Variants in FGGY observed in about 807,000 individuals in gnomAD.
FGGY encodes the protein FGGY carbohydrate kinase domain-containing protein.
FGGY carries 72 observed loss-of-function variants against 71.3 expected under a neutral mutation model. That is an observed-to-expected ratio of 1.01 (90% CI 0.84 to 1.23). FGGY has a LOEUF of 1.23. Among genes scored for constraint, FGGY ranks in the 50% most tolerant of loss-of-function variants. The pLI, the probability that FGGY is intolerant of heterozygous loss-of-function variation, is 0.00. For synonymous variants in FGGY, 251 were observed against 250.3 expected (o/e 1.00, Z -0.02); for missense variants, 668 against 682.3 (o/e 0.98, Z 0.23).
chr1:59,543,466 C>T (rs1420163635), intron 7 of FGGY, among the ~76,000 whole-genome samples: 1 of 152,216 alleles, frequency 6.6e-6, no homozygotes, highest in Non-Finnish European at 1.5e-5. Context: ...TGGGAGAGCC[C>T]TCTAACCCTC....
chr1:59,585,931 C>T (rs972429939), intron 8 of FGGY, among the ~76,000 whole-genome samples: 14 of 152,168 alleles, frequency 9.2e-5, no homozygotes, highest in Non-Finnish European at 1.8e-4. Context: ...CATCACTGGC[C>T]ATCAGAAAAA....
At chr1:59,309,347 T>C (rs1025736706) in intron 1 of FGGY, among the ~76,000 whole-genome samples, 4 of 152,242 alleles carry the variant, frequency 2.6e-5, no homozygotes, top group African/African-American at 9.6e-5. Flanking sequence ...TTGTATTCTT[T>C]GCATTACAGG....
intron 5 of FGGY, among the ~76,000 whole-genome samples, chr1:59,396,040 C>A (rs2061285095): frequency 6.6e-6 from 1 of 152,170 alleles, no homozygotes; most frequent in East Asian, 1.9e-4. Flanking sequence ...AGCAGCGTCA[C>A]TTGGAAATAC....
intron 5 of FGGY, among the ~76,000 whole-genome samples, chr1:59,384,620 G>T (rs1269645204): frequency 6.6e-6 from 1 of 152,098 alleles, no homozygotes; most frequent in East Asian, 1.9e-4. Flanking sequence ...ATTAAGCATA[G>T]AGGAAAGAGG....
chr1:59,501,463 C>T (rs1264027755), intron 6 of FGGY, among the ~76,000 whole-genome samples: 1 of 151,858 alleles, frequency 6.6e-6, no homozygotes, highest in East Asian at 1.9e-4. Flanking sequence ...TGCTTTAAAC[C>T]TTGTAATATT....
chr1:59,687,875 T>G (rs957461378), intron 14 of FGGY, among the ~76,000 whole-genome samples: 2 of 152,184 alleles, frequency 1.3e-5, no homozygotes, highest in African/African-American at 4.8e-5. Flanking sequence ...GGACTCTGAC[T>G]GATATCATTG....
intron 11 of FGGY, among the ~76,000 whole-genome samples, chr1:59,645,082 G>T (rs943977193): frequency 6.6e-6 from 1 of 152,140 alleles, no homozygotes; most frequent in Non-Finnish European, 1.5e-5. Flanking sequence ...TTGTTGAATG[G>T]TTTTTACCAC....
intron 5 of FGGY, among the ~76,000 whole-genome samples, chr1:59,421,322 T>A (rs1463384139): frequency 5.3e-5 from 8 of 152,242 alleles, no homozygotes; most frequent in Admixed American, 5.2e-4. Flanking sequence ...TTATTCTTTT[T>A]AATTATGATA....
chr1:59,688,632 C>T (rs1011533181), intron 14 of FGGY, among the ~76,000 whole-genome samples: 24 of 152,286 alleles, frequency 1.6e-4, no homozygotes, highest in African/African-American at 5.8e-4. Context: ...TCATACCGAA[C>T]GTTCATATTC....
intron 6 of FGGY, among the ~76,000 whole-genome samples, chr1:59,490,992 TTG>T (rs2093814592): frequency 7.7e-6 from 1 of 130,612 alleles, no homozygotes; most frequent in African/African-American, 3.1e-5. Flanking sequence ...GCTTGCTTGC[TTG>T]CTTCCTTTCC....
At chr1:59,303,744 A>G (rs2043087702) in intron 1 of FGGY, among the ~76,000 whole-genome samples, 1 of 152,068 alleles carries the variant, frequency 6.6e-6, no homozygotes, top group Non-Finnish European at 1.5e-5. Context: ...CCTTTTCTCC[A>G]TATTCTCATC....
rs569498163 is a variant in FGGY at position 59,577,705 on chromosome 1, A to G, written c.903+23478A>G. On this transcript the variant is annotated intron_variant, in intron 8 of 15. Transcript: ENST00000303721. The stretch of plus-strand genomic sequence containing the variant: ...AATACTTTATGATGGCTCTAATCAT[A>G]TATGTACTTCCTATTTCAAAAGGTA... Among the ~76,000 whole-genome samples, 28 of 152,250 alleles carry G rather than the reference A, an allele frequency of 1.8e-4. No homozygotes were observed. The South Asian group carries it at 5.4e-3, about 29-fold the overall frequency.
chr1:59,603,039 G>A (rs2096592662), intron 8 of FGGY, among the ~76,000 whole-genome samples: 1 of 152,054 alleles, frequency 6.6e-6, no homozygotes, highest in South Asian at 2.1e-4. Flanking sequence ...TTTTTATAAT[G>A]ATATTTATAT....
At chr1:59,346,182 T>C (rs2051845167) in intron 3 of FGGY, 65 bp from the exon 4 acceptor site, 1 of 1,582,894 alleles carries the variant, frequency 6.3e-7, no homozygotes, top group East Asian at 2.2e-5. Flanking sequence ...GAATCCATAA[T>C]TGTTCCCTTG....
At chr1:59,333,162 T>C (rs12567968) in intron 2 of FGGY, among the ~76,000 whole-genome samples, 1 of 152,328 alleles carries the variant, frequency 6.6e-6, no homozygotes, top group South Asian at 2.1e-4. Context: ...CCAAACTGCC[T>C]TGTGGTATGG....
At chr1:59,467,441 T>G (rs902835266) in intron 6 of FGGY, among the ~76,000 whole-genome samples, 1 of 152,082 alleles carries the variant, frequency 6.6e-6, no homozygotes, top group Non-Finnish European at 1.5e-5. Context: ...GGCATATGTA[T>G]ACATATGTAA....
intron 11 of FGGY, among the ~76,000 whole-genome samples, chr1:59,653,274 A>G (rs1349393605): frequency 7.2e-5 from 11 of 152,220 alleles, no homozygotes; most frequent in Non-Finnish European, 1.0e-4. Context: ...GCTGTGGTGG[A>G]CTCCACCCAG....
At position 59,605,423 on chromosome 1, in the gene FGGY, C is replaced by T. The variant is rs1046401814; in HGVS notation, c.904-2380C>T. Among the ~76,000 whole-genome samples, 9 of 152,176 alleles carry T rather than the reference C, an allele frequency of 5.9e-5. No individual in the cohort carries two copies. In the South Asian group the frequency reaches 8.3e-4, roughly 14 times the overall value. ...CTCAAGATCGGATGCTCTTTGAGTACAGGCACTATGCTCTTGTTCACCATT... is the reference window on the plus strand; with the variant it reads ...CTCAAGATCGGATGCTCTTTGAGTATAGGCACTATGCTCTTGTTCACCATT... On this transcript the variant is annotated intron_variant, in intron 8 of 15. Coordinates refer to ENST00000303721, the MANE Select transcript of FGGY (RefSeq NM_018291.5).
chr1:59,306,188 G>C (rs2153085536), intron 1 of FGGY, among the ~76,000 whole-genome samples: 1 of 152,096 alleles, frequency 6.6e-6, no homozygotes, highest in East Asian at 1.9e-4. Flanking sequence ...ACTACATCTT[G>C]GCTGGAATTG....
Sources: allele counts gnomAD v4.1 joint callset (sites outside exome capture counted in the v4.1 genomes callset), GRCh38; gene constraint gnomAD v4.1.1; transcripts MANE v1.5; gene names NCBI Gene and HGNC (gene_info 2026-07-23, HGNC 2026-07-21).